The following FANCD2 variants were observed in gnomAD, a reference collection of about 807,000 sequenced individuals.
FANCD2 encodes the protein FA complementation group D2.
A neutral mutation model predicts 192.3 loss-of-function variants in FANCD2; 131 were observed. The ratio of observed to expected loss-of-function variants is 0.68; its 90% CI spans 0.59 to 0.79. The LOEUF (loss-of-function observed/expected upper bound fraction) is 0.79, where lower values mean the gene tolerates loss of function less well. FANCD2 is among the 30% of genes least tolerant of loss of function. The pLI is 0.00. For synonymous variants in FANCD2, 524 were observed against 612.5 expected, an observed-to-expected ratio of 0.86 and a Z score of 2.13; for missense variants, 1,508 against 1,701.6, an observed-to-expected ratio of 0.89 and a Z score of 2.00.
chr3:10,088,464 A>G lies in FANCD2; in HGVS notation c.3482A>G (p.Gln1161Arg). The G allele has an allele frequency of 1.2e-6, 2 of 1,609,062 alleles. No homozygotes were observed. The highest frequency in any genetic ancestry group is 8.5e-7 in the Non-Finnish European group (1 of 1,175,372). ...NKEKIASLAR[Q>R]FLCRVWPSGD... Reference sequence around the variant, plus strand: ...TTTCTAACAGCTTCCCTTGCCAGACAATTCCTCTGTCGGGTGTGGCCAAGT... The same window carrying G: ...TTTCTAACAGCTTCCCTTGCCAGACGATTCCTCTGTCGGGTGTGGCCAAGT... The change falls in exon 35 of 44, where the codon CAA (glutamine) becomes CGA (arginine). Residue 1161 changes from glutamine (Q) to arginine (R), a missense_variant. Transcript: ENST00000675286.
At position 10,031,338 on chromosome 3, in the gene FANCD2, C is replaced by T. The variant is rs564246252; in HGVS notation, c.65-1494C>T. On this transcript the variant is annotated intron_variant, in intron 2 of 43. Coordinates refer to ENST00000675286, the MANE Select transcript of FANCD2 (RefSeq NM_001018115.3). ...CTAACATGGTGAAACCCCGTCTCTA[C>T]TAAAAATACAAAAAATTAGCCGGGC... Among the ~76,000 whole-genome samples, 15 of 152,142 alleles carry T rather than the reference C, an allele frequency of 9.9e-5. 1 individual carries two copies. The East Asian group carries it at 1.9e-3, about 20-fold the overall frequency.
rs2125026841 is a variant in FANCD2 at position 10,060,397 on chromosome 3, C to T, written c.1760C>T (p.Ala587Val). The T allele has an allele frequency of 6.2e-7, 1 of 1,612,312 alleles. No individual in the cohort carries two copies. The highest frequency in any genetic ancestry group is 8.5e-7 in the Non-Finnish European group (1 of 1,178,416). ...GTGACCATGGCTGGCATCATGGCGG[C>T]AGACAGGTACACGTGGAGATTCTGA... ...GAVTMAGIMA[A>V]DRSESPSLTQ... Residue 587 changes from alanine to valine, a missense_variant, in exon 19 of 44, where the codon GCA becomes GTA. Around this residue, in one of 5 missense-constraint regions of FANCD2, gnomAD observed 110 missense variants for 114.4 expected, o/e 0.96. Transcript: ENST00000675286.
chr3:10,066,560 A>C (rs1425500487), intron 25 of FANCD2, among the ~76,000 whole-genome samples: 1 of 152,184 alleles, frequency 6.6e-6, no homozygotes, highest in African/African-American at 2.4e-5. Context: ...CAAGTGCTGG[A>C]CTCATTTCTT....
At chr3:10,059,050 G>A (rs1029019516) in intron 18 of FANCD2, among the ~76,000 whole-genome samples, 5 of 152,090 alleles carry the variant, frequency 3.3e-5, no homozygotes, top group Admixed American at 6.6e-5. Context: ...GTCTGGCTCT[G>A]TCACCCAGGC....
At chr3:10,031,233 G>A (rs1473702153) in intron 2 of FANCD2, among the ~76,000 whole-genome samples, 2 of 152,292 alleles carry the variant, frequency 1.3e-5, no homozygotes, top group East Asian at 3.9e-4. Flanking sequence ...GCCAGGCACG[G>A]TGGCTCACGC....
intron 9 of FANCD2, 21 bp downstream of exon 9, chr3:10,039,866 C>T (rs772533024): frequency 6.8e-6 from 11 of 1,613,722 alleles, no homozygotes; most frequent in African/African-American, 1.3e-5. Flanking sequence ...CCTCTGTCAT[C>T]ATCTAAGTGA....
At chr3:10,029,697 G>A (rs1354610676) in intron 2 of FANCD2, among the ~76,000 whole-genome samples, 3 of 152,138 alleles carry the variant, frequency 2.0e-5, no homozygotes, top group South Asian at 4.1e-4. Flanking sequence ...AAAGTGTATG[G>A]TGTACCCAAT....
At chr3:10,041,446 A>C in intron 9 of FANCD2, 177 bp from the exon 10 acceptor site, 1 of 560,074 alleles carries the variant, frequency 1.8e-6, no homozygotes, top group South Asian at 2.0e-5. Context: ...TATAATGAGC[A>C]TGTATTATTT....
chr3:10,036,203 C>A, intron 6 of FANCD2, 84 bp from the exon 7 acceptor site: 1 of 1,187,002 alleles, frequency 8.4e-7, no homozygotes, highest in East Asian at 2.4e-5. Context: ...GTTCTCGTGC[C>A]TCAGCCTCCC....
At chr3:10,086,414 C>G (rs1694205513) in intron 33 of FANCD2, among the ~76,000 whole-genome samples, 6 of 152,090 alleles carry the variant, frequency 3.9e-5, no homozygotes, top group Admixed American at 3.3e-4. Flanking sequence ...CTTTCTCTCA[C>G]TTCCCTTGGT....
intron 18 of FANCD2, chr3:10,058,104 C>A (rs2087465993): frequency 6.2e-6 from 3 of 487,662 alleles, no homozygotes; most frequent in Non-Finnish European, 7.8e-6. Context: ...AGTGTATCCT[C>A]TCCCCAGGTG....
chr3:10,054,695 G>A (rs1438175877), intron 18 of FANCD2, among the ~76,000 whole-genome samples: 1 of 150,260 alleles, frequency 6.7e-6, no homozygotes, highest in Non-Finnish European at 1.5e-5. Context: ...GTGTTAGCCA[G>A]GATGGTCTTG....
At position 10,101,377 on chromosome 3, in the gene FANCD2, CTTTTTTTTTT is replaced by C. The variant is rs950337384; in HGVS notation, c.*131_*140del. The C allele has an allele frequency of 3.4e-4, 133 of 388,506 alleles. No individual in the cohort carries two copies. The highest frequency in any genetic ancestry group is 5.9e-4 in the Middle Eastern group (1 of 1,690). The allele number at this position is 388,506 out of a possible 1,614,324, so 24.1% of individuals were successfully genotyped here. A position where few individuals can be genotyped will look rare whatever the true frequency, so the allele number is the denominator to read the frequency against. On this transcript the variant is annotated 3_prime_UTR_variant, in exon 44 of 44. Coordinates refer to ENST00000675286, the MANE Select transcript of FANCD2 (RefSeq NM_001018115.3). ...ACTGGTAGGATCCTTTTTTGTTCCT[CTTTTTTTTTT>C]TTTTTTTTTTTTTTTAAAGACGGGG...
intron 32 of FANCD2, 107 bp downstream of exon 32, chr3:10,081,571 T>C (rs1575825009): frequency 3.6e-6 from 3 of 842,176 alleles, no homozygotes; most frequent in Admixed American, 1.7e-5. Flanking sequence ...AAAAATCTTA[T>C]GTGAATATGG....
Position 10,088,559 on chromosome 3 carries a change from C to G in FANCD2, c.3560+17C>G. 1 of 1,532,932 alleles carries G rather than the reference C, an allele frequency of 6.5e-7. No individual in the cohort carries two copies. The highest frequency in any genetic ancestry group is 9.0e-7 in the Non-Finnish European group (1 of 1,106,028). 95.0% of individuals were successfully genotyped at this position (1,532,932 alleles called of 1,614,324 possible). On this transcript the variant is annotated intron_variant, in intron 35 of 43. Coordinates refer to ENST00000675286, the MANE Select transcript of FANCD2 (RefSeq NM_001018115.3). ...TCTGCTCTGGTGAGATGTTTGGTTT[C>G]TTCCAATGAGCCAAATAGCTTTTTT... is the stretch of plus-strand genomic sequence containing the variant.
At chr3:10,044,018 A>G (rs2086934715) in intron 14 of FANCD2, among the ~76,000 whole-genome samples, 154 bp downstream of exon 14, 2 of 152,176 alleles carry the variant, frequency 1.3e-5, no homozygotes, top group Non-Finnish European at 2.9e-5. Context: ...TCTGGGGAAG[A>G]TAATCTGAGG....
intron 18 of FANCD2, among the ~76,000 whole-genome samples, chr3:10,053,672 A>T (rs2087288598): frequency 6.6e-6 from 1 of 151,644 alleles, no homozygotes; most frequent in African/African-American, 2.4e-5. Flanking sequence ...TAGTAGTGGA[A>T]ATGGAGTACA....
rs757808149 is a variant in FANCD2 at position 10,090,356 on chromosome 3, G to A, written c.3748G>A (p.Glu1250Lys). ...ACTAGAGAAGACGGTGAAAAAAATT[G>A]AGCCTGGCACAGCAGCAGACTCGCA... Reference protein sequence around the residue: ...AELEKTVKKIEPGTAADSQQI... With the variant: ...AELEKTVKKIKPGTAADSQQI... The change falls in exon 37 of 44, where the codon GAG becomes AAG. Residue 1250 changes from glutamate (E) to lysine (K), a missense_variant. Glu to Lys is a moderately conservative substitution (Grantham distance 56). This residue lies in a region of FANCD2 where 796 missense variants were observed against 879.4 expected (regional missense o/e 0.91). Transcript: ENST00000675286. The A allele has an allele frequency of 2.5e-6, 4 of 1,608,440 alleles. No homozygotes were observed. In the African/African-American group the frequency reaches 5.4e-5, roughly 22 times the overall value.
chr3:10,043,701 A>T, intron 13 of FANCD2, 109 bp downstream of exon 13: 1 of 1,313,762 alleles, frequency 7.6e-7, no homozygotes, highest in Non-Finnish European at 1.1e-6. Flanking sequence ...TTCAAGTGGA[A>T]ATGATAGCTG....
Sources: allele counts gnomAD v4.1 joint callset (sites outside exome capture counted in the v4.1 genomes callset), GRCh38; gene constraint gnomAD v4.1.1; regional missense constraint gnomAD v4.1.1; transcripts MANE v1.5; gene names NCBI Gene and HGNC (gene_info 2026-07-23, HGNC 2026-07-21).